CSMD2: variants seen among roughly 807,000 people sequenced by gnomAD.
CSMD2 encodes CUB and sushi domain-containing protein 2.
Under a neutral mutation model 398.5 loss-of-function variants are expected in CSMD2, and 130 were observed. The observed-to-expected ratio is 0.33, with a 90% confidence interval of 0.28 to 0.38. The LOEUF (loss-of-function observed/expected upper bound fraction) is 0.38. Among genes scored for constraint, CSMD2 ranks in the 10% least tolerant of loss-of-function variants. The pLI, the probability that CSMD2 is intolerant of heterozygous loss-of-function variation, is 1.00. For synonymous variants in CSMD2, 1,828 were observed against 1,908.5 expected, an observed-to-expected ratio of 0.96 and a Z score of 1.10; for missense variants, 3,829 against 4,764.9, an observed-to-expected ratio of 0.80 and a Z score of 5.78.
At position 33,739,175 on chromosome 1, in the gene CSMD2, C is replaced by G; in HGVS notation, c.2333G>C (p.Ser778Thr). 6.2e-7 allele frequency: 1 copy of G among 1,614,134 alleles called. No individual in the cohort carries two copies. The highest frequency in any genetic ancestry group is 8.5e-7 in the Non-Finnish European group (1 of 1,179,998). Residue 778 changes from serine to threonine, a missense_variant, in exon 15 of 71, where the codon AGC (serine) becomes ACC (threonine). Ser to Thr is a moderately conservative substitution (Grantham distance 58, BLOSUM62 1). Transcript: ENST00000373381. ...ETITCVLKEGSVVWNSAVLRC... is the reference protein window; with the variant it reads ...ETITCVLKEGTVVWNSAVLRC... Reference sequence around the variant, plus strand: ...CAGCACAGCGCTGTTCCAGACCACGCTGCCCTCCTTCAGGACGCAGGTGAT... The same window carrying G: ...CAGCACAGCGCTGTTCCAGACCACGGTGCCCTCCTTCAGGACGCAGGTGAT...
chr1:33,546,268 G>A (rs1402784330), intron 56 of CSMD2, 49 bp from the exon 57 acceptor site: 1 of 1,559,440 alleles, frequency 6.4e-7, no homozygotes, highest in Non-Finnish European at 8.7e-7. Flanking sequence ...GGAAGAAAAG[G>A]GAGTGGAGAA....
intron 3 of CSMD2, among the ~76,000 whole-genome samples, chr1:34,000,516 C>A (rs2148030575): frequency 6.6e-6 from 1 of 152,260 alleles, no homozygotes; most frequent in African/African-American, 2.4e-5. Context: ...CAATGCAGAA[C>A]CGCTCGGTTC....
chr1:33,855,888 A>G (rs2125100707), intron 5 of CSMD2, among the ~76,000 whole-genome samples: 1 of 152,356 alleles, frequency 6.6e-6, no homozygotes, highest in Non-Finnish European at 1.5e-5. Context: ...TATCTGGCTC[A>G]TCACCTGTCT....
At chr1:33,631,943 T>C (rs1006063595) in intron 32 of CSMD2, among the ~76,000 whole-genome samples, 4 of 152,078 alleles carry the variant, frequency 2.6e-5, no homozygotes, top group African/African-American at 4.8e-5. Flanking sequence ...AAAATTATTA[T>C]ATAGTAAACA....
chr1:34,049,420 G>A (rs912538327), intron 2 of CSMD2, among the ~76,000 whole-genome samples: 5 of 152,098 alleles, frequency 3.3e-5, no homozygotes, highest in South Asian at 2.1e-4. Context: ...TTCATATTAC[G>A]GTAGATGACC....
intron 6 of CSMD2, among the ~76,000 whole-genome samples, chr1:33,836,675 T>A (rs914250185): frequency 6.6e-6 from 1 of 152,212 alleles, no homozygotes; most frequent in East Asian, 1.9e-4. Context: ...GCGTGGGATA[T>A]AATCTCCTGG....
chr1:34,008,169 G>A (rs890984773), intron 3 of CSMD2, among the ~76,000 whole-genome samples: 1 of 152,110 alleles, frequency 6.6e-6, no homozygotes, highest in African/African-American at 2.4e-5. Flanking sequence ...AACCACAGAC[G>A]TGCTCCATAC....
intron 65 of CSMD2, 139 bp downstream of exon 65, chr1:33,527,057 G>T: frequency 1.2e-6 from 1 of 803,802 alleles, no homozygotes; most frequent in Admixed American, 1.9e-5. Context: ...GGTGGGTAGG[G>T]AAAGCCATCC....
intron 10 of CSMD2, among the ~76,000 whole-genome samples, chr1:33,804,572 C>A (rs1035598213): frequency 1.3e-5 from 2 of 151,198 alleles, no homozygotes; most frequent in African/African-American, 2.4e-5. Flanking sequence ...TTTTTCAGAC[C>A]TGTTCTTCAC....
chr1:34,011,674 A>T (rs1036046490), intron 3 of CSMD2, among the ~76,000 whole-genome samples: 1 of 152,178 alleles, frequency 6.6e-6, no homozygotes, highest in East Asian at 1.9e-4. Flanking sequence ...TAATCACATC[A>T]TGAAGAATGG....
At chr1:33,843,326 C>T (rs1189610220) in intron 6 of CSMD2, among the ~76,000 whole-genome samples, 1 of 152,184 alleles carries the variant, frequency 6.6e-6, no homozygotes, top group Non-Finnish European at 1.5e-5. Flanking sequence ...TTGTGTCTGG[C>T]CACAGACATC....
At chr1:33,852,187 C>T (rs1437135412) in intron 5 of CSMD2, among the ~76,000 whole-genome samples, 6 of 152,134 alleles carry the variant, frequency 3.9e-5, no homozygotes, top group African/African-American at 1.4e-4. Flanking sequence ...CCAATTGTGG[C>T]CAAGTCTTCT....
intron 2 of CSMD2, among the ~76,000 whole-genome samples, chr1:34,052,495 C>CTGTGTGTGTGTGTGTGTGTGTGTGTG (rs143571706): frequency 6.7e-5 from 9 of 134,172 alleles, no homozygotes; most frequent in African/African-American, 2.6e-4. Flanking sequence ...TATGGGACAA[C>CTGTGTGTGTGTGTGTGTGTGTGTGTG]TGTGTGTGTG....
chr1:33,833,330 T>A (rs1215497702), intron 6 of CSMD2, among the ~76,000 whole-genome samples: 1 of 134,430 alleles, frequency 7.4e-6, no homozygotes, highest in Non-Finnish European at 1.5e-5. Flanking sequence ...ATCCCTGGGA[T>A]GCAAGGCTGG....
chr1:33,729,616 G>A (rs1317565370), intron 15 of CSMD2, among the ~76,000 whole-genome samples: 2 of 151,162 alleles, frequency 1.3e-5, no homozygotes, highest in Non-Finnish European at 2.9e-5. Context: ...ATCTCCTAAA[G>A]CTATCCCTCC....
In CSMD2 at chr1:33,652,818, G is replaced by A. The variant is rs942303342; in HGVS notation, c.4448-357C>T. Reference sequence around the variant, plus strand: ...GCCCCAGGCTGGATTGCAGTAGCGCGATCTCGGCTCACTGCAAGCTCCGCC... The same window carrying A: ...GCCCCAGGCTGGATTGCAGTAGCGCAATCTCGGCTCACTGCAAGCTCCGCC... On this transcript the variant is annotated intron_variant, in intron 27 of 70. Coordinates refer to ENST00000373381, the MANE Select transcript of CSMD2 (RefSeq NM_001281956.2). 5.3e-5 allele frequency among the ~76,000 whole-genome samples: 8 copies of A among 152,302 alleles called. No individual in the cohort carries two copies. In the East Asian group the frequency reaches 5.8e-4, roughly 11 times the overall value.
Position 33,593,052 on chromosome 1 carries a change from G to T in CSMD2, c.6857-5884C>A, listed in dbSNP as rs1247840450. Among the ~76,000 whole-genome samples the T allele has an allele frequency of 4.6e-5, 7 of 152,174 alleles. No homozygotes were observed. The East Asian group carries it at 1.3e-3, about 29-fold the overall frequency. On this transcript the variant is annotated intron_variant, in intron 44 of 70. Transcript: ENST00000373381. ...GAAGCCACACAAATGTCCATAGAGG[G>T]ATGAACAGATAAACAAAATGTGGTC...
rs1294347216 is a variant in CSMD2, at chr1:33,605,426, C to T, written c.6388G>A (p.Gly2130Ser). 2 of 1,614,170 alleles carry T rather than the reference C, an allele frequency of 1.2e-6. No homozygotes were observed. The change falls in exon 42 of 71, where the codon GGC becomes AGC. Residue 2130 changes from glycine to serine, a missense_variant. Transcript: ENST00000373381. ...ECPDPEPFAN[G>S]IVRGAGYNVG... ...TTGTAGCCAGCTCCCCTCACAATGC[C>T]ATTGGCAAAGGGCTCTGGGTCTGGG...
chr1:33,954,258 G>A (rs1645095300), intron 3 of CSMD2, among the ~76,000 whole-genome samples: 2 of 152,114 alleles, frequency 1.3e-5, no homozygotes, highest in South Asian at 4.1e-4. Flanking sequence ...CGTAAACCTT[G>A]TAAGTAACAA....
Sources: allele counts gnomAD v4.1 joint callset (sites outside exome capture counted in the v4.1 genomes callset), GRCh38; gene constraint gnomAD v4.1.1; transcripts MANE v1.5; gene names NCBI Gene and HGNC (gene_info 2026-07-23, HGNC 2026-07-21).